The following KDM1A variants were observed in gnomAD, a reference collection of about 807,000 sequenced individuals.
KDM1A encodes the protein lysine demethylase 1A.
A neutral mutation model predicts 109.4 loss-of-function variants in KDM1A; 49 were observed. The observed-to-expected ratio is 0.45, with a 90% CI of 0.36 to 0.57. The LOEUF (loss-of-function observed/expected upper bound fraction) is 0.57. Ranked by LOEUF, KDM1A falls within the 20% of genes least tolerant of loss-of-function variation. The probability of loss-of-function intolerance (pLI) is 0.00; values close to 1 mark genes in which losing one functional copy is unlikely to be tolerated. For synonymous variants in KDM1A, 380 were observed against 415.4 expected, an observed-to-expected ratio of 0.91 and a Z score of 1.04; for missense variants, 668 against 1,116.6, an observed-to-expected ratio of 0.60 and a Z score of 5.73.
chr1:23,078,517 G>T (rs1475297764), intron 16 of KDM1A, among the ~76,000 whole-genome samples: 1 of 152,214 alleles, frequency 6.6e-6, no homozygotes, highest in African/African-American at 2.4e-5. Context: ...GCATTCTCAA[G>T]CATAGCACGC....
intron 1 of KDM1A, among the ~76,000 whole-genome samples, chr1:23,021,580 G>GCTTGAACC (rs1237256820): frequency 6.6e-6 from 1 of 152,164 alleles, no homozygotes; most frequent in Non-Finnish European, 1.5e-5. Flanking sequence ...AGGGAGAATT[G>GCTTGAACC]CTTGAACCCG....
Position 23,030,540 on chromosome 1 carries a change from A to G in KDM1A, c.423A>G (p.Arg141=), listed in dbSNP as rs1258091170. The G allele has an allele frequency of 1.2e-6, 2 of 1,612,824 alleles. No homozygotes were observed. Among genetic ancestry groups the G allele is most frequent in the East Asian group, 2.2e-5 (1 of 44,820 alleles). ...SEDEYYSEEE[R]NAKAEKEKKL... Reference sequence around the variant, plus strand: ...ATGAGTATTATTCAGAAGAAGAGAGAAATGCCAAAGCAGAGAAGGAAAAGA... The same window carrying G: ...ATGAGTATTATTCAGAAGAAGAGAGGAATGCCAAAGCAGAGAAGGAAAAGA... Residue 141 remains arginine, a synonymous_variant, in exon 2 of 21, where the codon AGA becomes AGG. Coordinates refer to ENST00000400181, the MANE Select transcript of KDM1A (RefSeq NM_001009999.3).
intron 3 of KDM1A, among the ~76,000 whole-genome samples, chr1:23,049,484 G>T (rs376900761): frequency 6.6e-6 from 1 of 151,896 alleles, no homozygotes; most frequent in Non-Finnish European, 1.5e-5. Context: ...AGGAGTTCGA[G>T]ACAAGCCTGG....
At chr1:23,069,012 T>C (rs1287366548) in intron 11 of KDM1A, 49 bp from the exon 12 acceptor site, 10 of 1,309,394 alleles carry the variant, frequency 7.6e-6, no homozygotes, top group South Asian at 2.6e-5. Context: ...ACCTGTCTTA[T>C]TCTGCAAAGT....
intron 3 of KDM1A, among the ~76,000 whole-genome samples, chr1:23,045,059 T>G (rs1290399697): frequency 6.6e-6 from 1 of 152,240 alleles, no homozygotes; most frequent in Non-Finnish European, 1.5e-5. Context: ...AAATACTTTT[T>G]TCTGTTCAGA....
chr1:23,075,439 C>T (rs986309348), intron 15 of KDM1A, among the ~76,000 whole-genome samples: 1 of 151,816 alleles, frequency 6.6e-6, no homozygotes. Flanking sequence ...GGCATGGTGG[C>T]GGGCACCTGT....
Position 23,077,226 on chromosome 1 carries a change from A to G in KDM1A, c.1735-2A>G. 6.2e-7 allele frequency: 1 copy of G among 1,613,504 alleles called. No homozygotes were observed. The highest frequency in any genetic ancestry group is 8.5e-7 in the Non-Finnish European group (1 of 1,179,584). ...AAATATGTTCTTTTCTCTCCTCTTT[A>G]GGATGATGACTTTGAGTTCACTGGC... is the stretch of plus-strand genomic sequence containing the variant. On this transcript the variant is annotated splice_acceptor_variant, in intron 15 of 20. Transcript: ENST00000400181. LOFTEE classifies it high-confidence loss of function.
At chr1:23,057,629 C>A in intron 8 of KDM1A, 64 bp downstream of exon 8, 1 of 1,179,848 alleles carries the variant, frequency 8.5e-7, no homozygotes, top group Non-Finnish European at 1.3e-6. Flanking sequence ...AAATTTAAAG[C>A]CAGAGATGCT....
At chr1:23,082,005 G>GCCGAA in intron 19 of KDM1A, 1 of 370,786 alleles carries the variant, frequency 2.7e-6, no homozygotes, top group Non-Finnish European at 4.6e-6. Flanking sequence ...TGGATTCATA[G>GCCGAA]ACAGGAAGGC....
chr1:23,061,315 TCTTAC>T (rs1169302436), intron 9 of KDM1A, among the ~76,000 whole-genome samples: 4 of 152,170 alleles, frequency 2.6e-5, no homozygotes, highest in Non-Finnish European at 5.9e-5. Context: ...TTTATCCACA[TCTTAC>T]CAGGACCAGC....
intron 12 of KDM1A, among the ~76,000 whole-genome samples, chr1:23,070,990 TCTTA>T (rs1643302159): frequency 1.3e-5 from 2 of 152,342 alleles, no homozygotes; most frequent in Admixed American, 6.5e-5. Context: ...GCAGCACTGA[TCTTA>T]CTTATCAGAT....
At chr1:23,071,999 G>C in intron 13 of KDM1A, 125 bp from the exon 14 acceptor site, 1 of 625,218 alleles carries the variant, frequency 1.6e-6, no homozygotes, top group Non-Finnish European at 2.8e-6. Flanking sequence ...GCCTAAAATT[G>C]AGCCACACTT....
chr1:23,054,749 C>T (rs1642775416), intron 5 of KDM1A, among the ~76,000 whole-genome samples: 1 of 152,044 alleles, frequency 6.6e-6, no homozygotes, highest in African/African-American at 2.4e-5. Flanking sequence ...TCCTCAGCCC[C>T]CCAAGTAACT....
intron 2 of KDM1A, among the ~76,000 whole-genome samples, chr1:23,033,178 C>G (rs1196458470): frequency 6.6e-6 from 1 of 152,156 alleles, no homozygotes; most frequent in Non-Finnish European, 1.5e-5. Context: ...TGTTTCTCTA[C>G]CAAACCTTTT....
chr1:23,060,923 T>C (rs543846273), intron 9 of KDM1A, among the ~76,000 whole-genome samples: 34 of 152,336 alleles, frequency 2.2e-4, no homozygotes, highest in Admixed American at 3.9e-4. Flanking sequence ...GCTATTACCG[T>C]CCTCAAGAAG....
At chr1:23,048,485 G>A (rs1203039631) in intron 3 of KDM1A, among the ~76,000 whole-genome samples, 1 of 151,914 alleles carries the variant, frequency 6.6e-6, no homozygotes, top group African/African-American at 2.4e-5. Context: ...TTTTGGGTAT[G>A]GATTAGTTAA....
intron 9 of KDM1A, among the ~76,000 whole-genome samples, chr1:23,061,059 A>G (rs1022268059): frequency 6.6e-6 from 1 of 152,214 alleles, no homozygotes; most frequent in Non-Finnish European, 1.5e-5. Flanking sequence ...TTTTTCTAGT[A>G]GAGATATCCA....
intron 2 of KDM1A, 133 bp downstream of exon 2, chr1:23,030,767 ATGTGTGT>A: frequency 2.2e-6 from 2 of 908,254 alleles, no homozygotes; most frequent in Non-Finnish European, 3.3e-6. Context: ...GTCTCCTGCC[ATGTGTGT>A]CTTTGTGTGT....
At chr1:23,042,577 G>C (rs1299941287) in intron 2 of KDM1A, among the ~76,000 whole-genome samples, 39 of 136,346 alleles carry the variant, frequency 2.9e-4, no homozygotes, top group African/African-American at 9.6e-4. Context: ...CTCAGCCTCC[G>C]AAGTAGCTGG....
Sources: gnomAD v4.1 joint callset for allele counts (sites outside exome capture counted in the v4.1 genomes callset) on GRCh38, gnomAD v4.1.1 for gene constraint, MANE v1.5 for transcripts, NCBI Gene and HGNC (gene_info 2026-07-23, HGNC 2026-07-21) for gene names.